Variants in CDC14A observed in about 807,000 individuals in gnomAD.
CDC14A encodes dual specificity protein phosphatase CDC14A.
In CDC14A, 53 loss-of-function variants were observed where a neutral mutation model predicts 74.4. That is an observed-to-expected ratio of 0.71 (90% CI 0.57 to 0.89). The LOEUF (loss-of-function observed/expected upper bound fraction) is 0.89, where lower values mean the gene tolerates loss of function less well. Among genes scored for constraint, CDC14A ranks in the 40% least tolerant of loss-of-function variants. CDC14A has a pLI of 0.00. For missense variants in CDC14A, 646 were observed against 713.7 expected (o/e 0.91, Z 1.08); for synonymous variants, 247 against 258.4 (o/e 0.96, Z 0.43).
At chr1:100,517,918 T>G (rs991128888) in intron 15 of CDC14A, among the ~76,000 whole-genome samples, 2 of 152,220 alleles carry the variant, frequency 1.3e-5, no homozygotes, top group African/African-American at 4.8e-5. Context: ...TATCTTTTAA[T>G]ATTGTTAAGT....
chr1:100,510,101 C>A (rs28364909), intron 15 of CDC14A, among the ~76,000 whole-genome samples: 9,743 of 152,192 alleles, frequency 0.064, 507 homozygotes, highest in East Asian at 0.22. Context: ...ATACTCATAT[C>A]GTTTTGTCCT....
intron 7 of CDC14A, among the ~76,000 whole-genome samples, chr1:100,445,313 C>T (rs1346682029): frequency 2.0e-5 from 3 of 152,102 alleles, no homozygotes; most frequent in Non-Finnish European, 4.4e-5. Flanking sequence ...GAGCCTCACC[C>T]CCTCAACTTG....
chr1:100,484,568 T>G lies in CDC14A; in HGVS notation c.1137+117T>G, dbSNP rs575880912. The stretch of plus-strand genomic sequence containing the variant: ...TCTGGATGCCACGAGTACCAAGTTT[T>G]TAGAAGTAGAGCCATCCGTCTATAT... On this transcript the variant is annotated intron_variant, in intron 11 of 15. Transcript: ENST00000336454. 5 of 1,342,452 alleles carry G rather than the reference T, an allele frequency of 3.7e-6. No individual in the cohort carries two copies. In the South Asian group the frequency reaches 9.8e-5, roughly 26 times the overall value. 83.2% of individuals were successfully genotyped at this position (1,342,452 alleles called of 1,614,324 possible).
At chr1:100,433,318 T>C (rs1663935703) in intron 5 of CDC14A, among the ~76,000 whole-genome samples, 2 of 152,202 alleles carry the variant, frequency 1.3e-5, no homozygotes, top group South Asian at 2.1e-4. Context: ...TTCCCAACAC[T>C]GTACTATACT....
chr1:100,420,041 C>T (rs1259002832), intron 4 of CDC14A, among the ~76,000 whole-genome samples: 40 of 9,620 alleles, frequency 4.2e-3, no homozygotes, highest in African/African-American at 0.036. Flanking sequence ...TACACACACA[C>T]ACACACACAC....
intron 2 of CDC14A, among the ~76,000 whole-genome samples, chr1:100,360,203 C>T (rs543368410): frequency 1.1e-4 from 16 of 151,048 alleles, no homozygotes; most frequent in Admixed American, 5.3e-4. Context: ...CTGCCTGCCT[C>T]GGCCTCCCAA....
intron 9 of CDC14A, among the ~76,000 whole-genome samples, chr1:100,466,097 A>G (rs1667778300): frequency 6.6e-6 from 1 of 152,188 alleles, no homozygotes; most frequent in South Asian, 2.1e-4. Context: ...AAGCTGCTTT[A>G]GTTTCAGAGA....
intron 10 of CDC14A, among the ~76,000 whole-genome samples, chr1:100,470,785 A>G (rs1557796531): frequency 1.3e-5 from 2 of 152,230 alleles, no homozygotes; most frequent in Non-Finnish European, 2.9e-5. Flanking sequence ...CAAACAAAAA[A>G]GAAGTTTTAC....
chr1:100,359,881 T>C (rs1455622742), intron 2 of CDC14A, among the ~76,000 whole-genome samples: 1 of 151,904 alleles, frequency 6.6e-6, no homozygotes, highest in Non-Finnish European at 1.5e-5. Flanking sequence ...CCCCCCTTTT[T>C]CTTCTCTTCA....
rs1295174481 is a variant in CDC14A, at chr1:100,504,969, T to A, written c.1755+5707T>A. On this transcript the variant is annotated intron_variant, in intron 15 of 15. Coordinates refer to ENST00000336454, the MANE Select transcript of CDC14A (RefSeq NM_003672.4). ...GGAATCCACCCTATAATTAATACTT[T>A]ATTTTATCATGTATGCTATTATATA... The A allele has an allele frequency of 2.7e-6, 4 of 1,497,782 alleles. No homozygotes were observed. In the African/African-American group the frequency reaches 5.6e-5, roughly 21 times the overall value. 92.8% of individuals were successfully genotyped at this position (1,497,782 alleles called of 1,614,324 possible). A position where few individuals can be genotyped will look rare whatever the true frequency, so the allele number is the denominator to read the frequency against.
chr1:100,454,475 C>T (rs892874324), intron 7 of CDC14A, among the ~76,000 whole-genome samples: 4 of 152,010 alleles, frequency 2.6e-5, no homozygotes, highest in African/African-American at 9.7e-5. Context: ...TAACCTTACT[C>T]GTGCCCCAGT....
At chr1:100,436,280 A>T (rs1256393624) in intron 5 of CDC14A, among the ~76,000 whole-genome samples, 1 of 152,188 alleles carries the variant, frequency 6.6e-6, no homozygotes, top group African/African-American at 2.4e-5. Context: ...ATTGACTTAC[A>T]AAATGGGAGG....
At chr1:100,379,345 G>T (rs370645451) in intron 3 of CDC14A, among the ~76,000 whole-genome samples, 1 of 152,146 alleles carries the variant, frequency 6.6e-6, no homozygotes, top group African/African-American at 2.4e-5. Context: ...CACTCTCCTT[G>T]GTTCATTTTA....
intron 15 of CDC14A, among the ~76,000 whole-genome samples, chr1:100,506,631 G>A (rs1313408017): frequency 6.6e-6 from 1 of 152,168 alleles, no homozygotes; most frequent in Non-Finnish European, 1.5e-5. Flanking sequence ...GTTTTTGACT[G>A]TACATTTGAA....
chr1:100,426,026 A>G (rs1045830421), intron 5 of CDC14A, among the ~76,000 whole-genome samples: 1 of 152,226 alleles, frequency 6.6e-6, no homozygotes, highest in Non-Finnish European at 1.5e-5. Context: ...TAAGGATCAA[A>G]TGAAGTAATA....
At chr1:100,443,535 A>G (rs1638990198) in intron 7 of CDC14A, among the ~76,000 whole-genome samples, 1 of 150,930 alleles carries the variant, frequency 6.6e-6, no homozygotes, top group Non-Finnish European at 1.5e-5. Context: ...GGATTTCACC[A>G]TGTTGCCCAG....
At chr1:100,412,737 ATT>A (rs1304388433) in intron 4 of CDC14A, among the ~76,000 whole-genome samples, 1 of 100,718 alleles carries the variant, frequency 9.9e-6, no homozygotes, top group South Asian at 2.5e-4. Context: ...ATATATATAT[ATT>A]TTATATATAT....
At chr1:100,431,351 A>C (rs1663659147) in intron 5 of CDC14A, among the ~76,000 whole-genome samples, 1 of 151,616 alleles carries the variant, frequency 6.6e-6, no homozygotes, top group Non-Finnish European at 1.5e-5. Context: ...TACCAAACTT[A>C]GTGAAGTAGG....
chr1:100,516,940 T>G (rs1035136293), intron 15 of CDC14A, among the ~76,000 whole-genome samples: 5 of 152,230 alleles, frequency 3.3e-5, no homozygotes, highest in African/African-American at 1.2e-4. Flanking sequence ...ACTGGCAGCC[T>G]TGAGAACCAC....
Sources: allele counts gnomAD v4.1 joint callset (sites outside exome capture counted in the v4.1 genomes callset), GRCh38; gene constraint gnomAD v4.1.1; transcripts MANE v1.5; gene names NCBI Gene and HGNC (gene_info 2026-07-23, HGNC 2026-07-21).